The following NLGN1 variants were observed in gnomAD, a reference collection of about 807,000 sequenced individuals.
NLGN1 encodes the protein neuroligin 1.
Under a neutral mutation model 65.5 loss-of-function variants are expected in NLGN1, and 12 were observed. That is an observed-to-expected ratio of 0.18 (90% CI 0.12 to 0.30). The LOEUF (loss-of-function observed/expected upper bound fraction) is 0.30. Ranked by LOEUF, NLGN1 falls within the 10% of genes least tolerant of loss-of-function variation. The pLI is 1.00. For synonymous variants in NLGN1, 350 were observed against 359.5 expected, an observed-to-expected ratio of 0.97 and a Z score of 0.30; for missense variants, 750 against 1,007.1, an observed-to-expected ratio of 0.74 and a Z score of 3.46.
chr3:174,239,470 G>A (rs1002173297), intron 4 of NLGN1, among the ~76,000 whole-genome samples: 1 of 152,152 alleles, frequency 6.6e-6, no homozygotes, highest in Non-Finnish European at 1.5e-5. Flanking sequence ...AGAAGGTCCT[G>A]TTAGTAGGGG....
chr3:174,240,636 T>C (rs546304733), intron 4 of NLGN1, among the ~76,000 whole-genome samples: 22 of 152,312 alleles, frequency 1.4e-4, no homozygotes, highest in Non-Finnish European at 2.6e-4. Context: ...CAGAATAGGA[T>C]AGAGCAGCAT....
chr3:174,219,201 A>C (rs764559000), intron 4 of NLGN1, among the ~76,000 whole-genome samples: 3 of 152,112 alleles, frequency 2.0e-5, no homozygotes, highest in Non-Finnish European at 2.9e-5. Flanking sequence ...AGTAGGAACC[A>C]GGAACCCATG....
At chr3:173,974,114 T>A (rs902422827) in intron 4 of NLGN1, among the ~76,000 whole-genome samples, 3 of 151,758 alleles carry the variant, frequency 2.0e-5, no homozygotes, top group African/African-American at 7.3e-5. Context: ...AAAAGTCTGA[T>A]CAAAGAGCAA....
At chr3:173,419,207 T>A (rs140466960) in intron 1 of NLGN1, among the ~76,000 whole-genome samples, 8 of 151,732 alleles carry the variant, frequency 5.3e-5, no homozygotes, top group African/African-American at 1.9e-4. Context: ...CGCTTTCTCT[T>A]ACAGACAAAG....
intron 3 of NLGN1, among the ~76,000 whole-genome samples, chr3:173,738,206 T>G (rs1774086898): frequency 6.6e-6 from 1 of 152,016 alleles, no homozygotes; most frequent in South Asian, 2.1e-4. Flanking sequence ...TGTAGTCTTT[T>G]CATTTTCTTT....
chr3:173,767,575 T>C (rs1778955878), intron 3 of NLGN1, among the ~76,000 whole-genome samples: 1 of 152,026 alleles, frequency 6.6e-6, no homozygotes, highest in African/African-American at 2.4e-5. Flanking sequence ...TACTGACTTT[T>C]TAAGACCTTT....
chr3:174,247,842 G>C (rs1043502871), intron 4 of NLGN1, among the ~76,000 whole-genome samples: 1 of 152,170 alleles, frequency 6.6e-6, no homozygotes, highest in African/African-American at 2.4e-5. Context: ...TCCAATGTCT[G>C]ACCTTATCTG....
chr3:173,795,968 A>G (rs1231322465), intron 3 of NLGN1, among the ~76,000 whole-genome samples: 2 of 152,122 alleles, frequency 1.3e-5, no homozygotes, highest in Non-Finnish European at 2.9e-5. Flanking sequence ...TCCATCTATC[A>G]TGGTGGGACC....
chr3:173,714,058 A>T (rs1241512666), intron 3 of NLGN1, among the ~76,000 whole-genome samples: 1 of 152,182 alleles, frequency 6.6e-6, no homozygotes, highest in Non-Finnish European at 1.5e-5. Flanking sequence ...GTGTAATAGA[A>T]ATACATTTGC....
At chr3:174,202,690 C>A (rs1038033960) in intron 4 of NLGN1, 1 of 152,120 alleles carries the variant, frequency 6.6e-6, no homozygotes, top group Non-Finnish European at 1.5e-5. Flanking sequence ...TTCATTTTCC[C>A]ATGGCAACAG....
chr3:174,043,449 A>G (rs1732808121), intron 4 of NLGN1, among the ~76,000 whole-genome samples: 1 of 152,214 alleles, frequency 6.6e-6, no homozygotes, highest in Admixed American at 6.5e-5. Context: ...CCTAGATACA[A>G]TAGGGGTACA....
At chr3:174,265,857 TAA>T (rs1177161109) in intron 4 of NLGN1, among the ~76,000 whole-genome samples, 1 of 146,718 alleles carries the variant, frequency 6.8e-6, no homozygotes, top group Non-Finnish European at 1.5e-5. Flanking sequence ...TAGTTTTAGG[TAA>T]AGAGTATTTT....
chr3:173,718,161 T>C (rs1364220268), intron 3 of NLGN1, among the ~76,000 whole-genome samples: 1 of 152,142 alleles, frequency 6.6e-6, no homozygotes, highest in Non-Finnish European at 1.5e-5. Context: ...ACATTTTGCC[T>C]CTTCTCTTCT....
At chr3:173,477,988 G>A (rs977106705) in intron 2 of NLGN1, among the ~76,000 whole-genome samples, 3 of 152,094 alleles carry the variant, frequency 2.0e-5, no homozygotes, top group African/African-American at 7.2e-5. Flanking sequence ...TGTGGAAGAT[G>A]GCGTGGCAAT....
chr3:173,782,271 C>T (rs1578405371), intron 3 of NLGN1, among the ~76,000 whole-genome samples: 1 of 152,040 alleles, frequency 6.6e-6, no homozygotes, highest in Non-Finnish European at 1.5e-5. Context: ...TCCTGACAGG[C>T]ACATAGGCAC....
intron 2 of NLGN1, among the ~76,000 whole-genome samples, chr3:173,452,631 A>G (rs1307421029): frequency 6.6e-6 from 1 of 152,200 alleles, no homozygotes; most frequent in Non-Finnish European, 1.5e-5. Flanking sequence ...TCTAGTACTT[A>G]TCATTCCATA....
chr3:173,687,890 A>G (rs1764906968), intron 3 of NLGN1, among the ~76,000 whole-genome samples: 2 of 152,188 alleles, frequency 1.3e-5, no homozygotes, highest in African/African-American at 4.8e-5. Context: ...GTAGGCAAGA[A>G]CTGTTGCTCT....
intron 4 of NLGN1, among the ~76,000 whole-genome samples, chr3:174,028,641 A>G (rs934784173): frequency 6.6e-6 from 1 of 152,334 alleles, no homozygotes; most frequent in Admixed American, 6.5e-5. Context: ...TTTAAAAGGG[A>G]AGCAGCGTAT....
intron 4 of NLGN1, among the ~76,000 whole-genome samples, chr3:173,967,105 A>G (rs1363832859): frequency 6.6e-6 from 1 of 152,218 alleles, no homozygotes; most frequent in East Asian, 1.9e-4. Context: ...ACTGAAATTC[A>G]GATTTACTGG....
Sources: allele counts gnomAD v4.1 joint callset (sites outside exome capture counted in the v4.1 genomes callset), GRCh38; gene constraint gnomAD v4.1.1; transcripts MANE v1.5; gene names NCBI Gene and HGNC (gene_info 2026-07-23, HGNC 2026-07-21).